The following NRG1 variants were observed in gnomAD, a reference collection of about 807,000 sequenced individuals.
The protein encoded by NRG1 is neuregulin 1, also known as pro-neuregulin-1, membrane-bound isoform.
NRG1 carries 18 observed loss-of-function variants against 63.8 expected under a neutral mutation model. That is an observed-to-expected ratio of 0.28 (90% CI 0.19 to 0.42). The LOEUF is 0.42. NRG1 is among the 10% of genes least tolerant of loss of function. NRG1 has a pLI of 1.00. For synonymous variants in NRG1, 302 were observed against 301.3 expected, an observed-to-expected ratio of 1.00 and a Z score of -0.02; for missense variants, 762 against 814.7, an observed-to-expected ratio of 0.94 and a Z score of 0.79.
intron 3 of NRG1, among the ~76,000 whole-genome samples, chr8:32,612,221 T>C (rs1004109258): frequency 3.9e-5 from 6 of 152,114 alleles, no homozygotes; most frequent in African/African-American, 1.4e-4. Context: ...TAATGCTTTT[T>C]TAAAAGTCTG....
At chr8:32,384,189 A>G (rs1810702045) in intron 1 of NRG1, among the ~76,000 whole-genome samples, 1 of 152,138 alleles carries the variant, frequency 6.6e-6, no homozygotes, top group Non-Finnish European at 1.5e-5. Context: ...GTGAGTTGTG[A>G]TTGCACCACT....
intron 1 of NRG1, among the ~76,000 whole-genome samples, chr8:32,115,708 A>C (rs1033350810): frequency 2.0e-5 from 3 of 152,240 alleles, no homozygotes; most frequent in East Asian, 1.9e-4. Context: ...TATACATATA[A>C]ATTTACTTAA....
At chr8:32,612,663 A>C (rs895307056) in intron 3 of NRG1, among the ~76,000 whole-genome samples, 6 of 152,056 alleles carry the variant, frequency 3.9e-5, no homozygotes, top group African/African-American at 1.2e-4. Context: ...TGCTGGAGAT[A>C]GAAAAGTTCT....
intron 2 of NRG1, among the ~76,000 whole-genome samples, chr8:32,596,288 C>T (rs1379205312): frequency 1.3e-5 from 2 of 152,042 alleles, no homozygotes; most frequent in Non-Finnish European, 2.9e-5. Flanking sequence ...GTGGTAGATG[C>T]TGTCATAGTA....
chr8:32,092,615 A>G (rs952927923), intron 1 of NRG1, among the ~76,000 whole-genome samples: 1 of 152,148 alleles, frequency 6.6e-6, no homozygotes, highest in African/African-American at 2.4e-5. Flanking sequence ...GACTCTATAA[A>G]GAAGCCTCTT....
At chr8:32,468,959 G>A (rs1308701632) in intron 1 of NRG1, among the ~76,000 whole-genome samples, 1 of 152,092 alleles carries the variant, frequency 6.6e-6, no homozygotes, top group Non-Finnish European at 1.5e-5. Context: ...TAGGACCTAA[G>A]GACAGAATAA....
At chr8:31,859,618 G>A (rs1828280321) in intron 1 of NRG1, among the ~76,000 whole-genome samples, 1 of 152,250 alleles carries the variant, frequency 6.6e-6, no homozygotes, top group South Asian at 2.1e-4. Flanking sequence ...GAATAAAACA[G>A]CCACTTATGC....
chr8:32,432,337 C>T (rs1818248169), intron 1 of NRG1, among the ~76,000 whole-genome samples: 1 of 152,036 alleles, frequency 6.6e-6, no homozygotes, highest in Non-Finnish European at 1.5e-5. Flanking sequence ...CCTCTCAACT[C>T]CCTATAAAGT....
intron 1 of NRG1, among the ~76,000 whole-genome samples, chr8:32,098,232 C>A (rs1194317861): frequency 6.6e-6 from 1 of 152,144 alleles, no homozygotes; most frequent in Non-Finnish European, 1.5e-5. Context: ...ATGGAGGTCA[C>A]ATTTGTGATC....
intron 5 of NRG1, among the ~76,000 whole-genome samples, chr8:32,706,693 T>A (rs1334463576): frequency 3.3e-5 from 5 of 152,166 alleles, no homozygotes; most frequent in Non-Finnish European, 7.4e-5. Flanking sequence ...TACCCAAATT[T>A]AAAAATTTCC....
At chr8:32,425,308 G>C (rs1014203623) in intron 1 of NRG1, among the ~76,000 whole-genome samples, 2 of 152,140 alleles carry the variant, frequency 1.3e-5, no homozygotes, top group South Asian at 2.1e-4. Context: ...CTGTAGTAGA[G>C]TCCTATTTAG....
At chr8:31,855,374 C>A (rs1827745540) in intron 1 of NRG1, among the ~76,000 whole-genome samples, 1 of 152,124 alleles carries the variant, frequency 6.6e-6, no homozygotes. Context: ...TAATGGCCTT[C>A]TTTGTCTCTT....
chr8:32,501,668 A>T (rs1171631236), intron 1 of NRG1, among the ~76,000 whole-genome samples: 1 of 152,260 alleles, frequency 6.6e-6, no homozygotes, highest in Non-Finnish European at 1.5e-5. Context: ...TTTCAAGATA[A>T]ATATGGAAGA....
chr8:32,733,126 T>G (rs1248855705), intron 6 of NRG1, among the ~76,000 whole-genome samples: 3 of 152,160 alleles, frequency 2.0e-5, no homozygotes, highest in Admixed American at 2.0e-4. Flanking sequence ...TTTCTAATTC[T>G]TTATTTTACT....
At chr8:32,098,961 T>C (rs904213828) in intron 1 of NRG1, among the ~76,000 whole-genome samples, 2 of 152,188 alleles carry the variant, frequency 1.3e-5, no homozygotes, top group African/African-American at 4.8e-5. Context: ...ATTTTAAATA[T>C]ACAATTGTTG....
intron 1 of NRG1, among the ~76,000 whole-genome samples, chr8:32,461,363 T>C (rs2079472479): frequency 6.6e-6 from 1 of 152,174 alleles, no homozygotes; most frequent in Admixed American, 6.5e-5. Context: ...ATAGCTGTTG[T>C]CTATAAGGAA....
At chr8:31,764,568 TCTC>T (rs936266570) in intron 1 of NRG1, among the ~76,000 whole-genome samples, 12 of 152,298 alleles carry the variant, frequency 7.9e-5, no homozygotes, top group Admixed American at 1.3e-4. Flanking sequence ...TTCTAATTTT[TCTC>T]CTCATATGAA....
rs532683529 is a variant in NRG1, at chr8:32,048,403, G to A, written c.37+408972G>A. ...TGTATGAATATATATACATGTACAT[G>A]AATATGAATATATGTACATGCATAT... is the stretch of plus-strand genomic sequence containing the variant. On this transcript the variant is annotated intron_variant, in intron 1 of 10. Coordinates refer to the NRG1 transcript ENST00000519301. Among the ~76,000 whole-genome samples the A allele has an allele frequency of 5.1e-5, 7 of 137,414 alleles. No individual in the cohort carries two copies. In the East Asian group the frequency reaches 1.4e-3, roughly 28 times the overall value. The allele number at this position is 137,414 out of a possible 152,430, so 90.1% of individuals were successfully genotyped here.
chr8:32,113,795 T>A (rs1014590504), intron 1 of NRG1, among the ~76,000 whole-genome samples: 8 of 152,314 alleles, frequency 5.3e-5, no homozygotes, highest in Middle Eastern at 3.4e-3. Flanking sequence ...TGGTAGTGCA[T>A]TGTATGTATT....
Sources: gnomAD v4.1 joint callset for allele counts (sites outside exome capture counted in the v4.1 genomes callset) on GRCh38, gnomAD v4.1.1 for gene constraint, MANE v1.5 for transcripts, NCBI Gene and HGNC (gene_info 2026-07-23, HGNC 2026-07-21) for gene names.